Variants in PABPC4L observed in about 807,000 individuals in gnomAD.
PABPC4L encodes poly(A) binding protein cytoplasmic 4 like, also known as polyadenylate-binding protein 4-like.
For synonymous variants in PABPC4L, 169 were observed against 164.1 expected (o/e 1.03, Z -0.23); for missense variants, 452 against 451.4 (o/e 1.00, Z -0.01).
the PABPC4L span, among the ~76,000 whole-genome samples, chr4:134,030,321 T>C: frequency 6.6e-6 from 1 of 152,078 alleles, no homozygotes; most frequent in African/African-American, 2.4e-5. Flanking sequence ...AGAGACTTGT[T>C]GAATGGCTTT....
the PABPC4L span, among the ~76,000 whole-genome samples, chr4:134,044,559 C>T: frequency 2.6e-5 from 4 of 152,232 alleles, no homozygotes; most frequent in Admixed American, 6.5e-5. Flanking sequence ...CCACCAGGCC[C>T]GGCCATTTTA....
At chr4:134,026,821 A>C in the PABPC4L span, among the ~76,000 whole-genome samples, 2 of 152,136 alleles carry the variant, frequency 1.3e-5, no homozygotes, top group African/African-American at 4.8e-5. Context: ...GAGAAGATGA[A>C]AACAGAGGTC....
the PABPC4L span, among the ~76,000 whole-genome samples, chr4:134,067,235 C>T: frequency 0.1 from 15,300 of 152,006 alleles, 823 homozygotes; most frequent in South Asian, 0.14. Flanking sequence ...TTCAGGAATT[C>T]AATGTATCCC....
the PABPC4L span, among the ~76,000 whole-genome samples, chr4:134,040,964 T>G: frequency 6.6e-6 from 1 of 151,636 alleles, no homozygotes; most frequent in Non-Finnish European, 1.5e-5. Flanking sequence ...CCAACAAACA[T>G]ATGAAAAAAA....
In PABPC4L at chr4:134,197,185, G is replaced by T. The variant is rs1385469498; in HGVS notation, c.*2722C>A. The T allele has an allele frequency of 1.3e-5, 2 of 151,624 alleles. No individual in the cohort carries two copies. Among genetic ancestry groups the T allele is most frequent in the Non-Finnish European group, 3.0e-5 (2 of 67,666 alleles). The allele number at this position is 151,624 out of a possible 1,614,324, so 9.4% of individuals were successfully genotyped here. ...TTTGGTAAATACTTACCTAGTATAA[G>T]AATCTATGTGAAACTCATATGCCAA... On this transcript the variant is annotated 3_prime_UTR_variant, in exon 2 of 2. Coordinates refer to ENST00000421491, the MANE Select transcript of PABPC4L (RefSeq NM_001114734.2).
chr4:134,071,273 C>A, the PABPC4L span, among the ~76,000 whole-genome samples: 1 of 152,022 alleles, frequency 6.6e-6, no homozygotes, highest in Non-Finnish European at 1.5e-5. Flanking sequence ...TCTGTGTCCT[C>A]CCTCTGTCCA....
the PABPC4L span, among the ~76,000 whole-genome samples, chr4:134,067,568 G>T: frequency 6.6e-6 from 1 of 152,058 alleles, no homozygotes; most frequent in African/African-American, 2.4e-5. Context: ...TCTTCTGCTA[G>T]CTTTGGGGTT....
chr4:133,990,968 C>T, the PABPC4L span, among the ~76,000 whole-genome samples: 4 of 152,060 alleles, frequency 2.6e-5, no homozygotes, highest in Admixed American at 2.6e-4. Context: ...TTCCCACCAC[C>T]CTGACCAATC....
chr4:134,031,480 A>G, the PABPC4L span, among the ~76,000 whole-genome samples: 1 of 151,758 alleles, frequency 6.6e-6, no homozygotes, highest in Non-Finnish European at 1.5e-5. Context: ...AAATAGACAC[A>G]TTTTTCTTTG....
the PABPC4L span, among the ~76,000 whole-genome samples, chr4:133,967,512 G>T: frequency 1.3e-5 from 2 of 152,090 alleles, no homozygotes; most frequent in Non-Finnish European, 2.9e-5. Context: ...CCTAAGAAGA[G>T]AATGCAGAGA....
At chr4:134,130,347 C>T in the PABPC4L span, among the ~76,000 whole-genome samples, 4 of 151,856 alleles carry the variant, frequency 2.6e-5, no homozygotes, top group African/African-American at 7.3e-5. Flanking sequence ...AAATGGGAGA[C>T]ACTACAACTG....
the PABPC4L span, among the ~76,000 whole-genome samples, chr4:134,109,655 C>A: frequency 1.3e-5 from 2 of 151,972 alleles, no homozygotes; most frequent in Admixed American, 6.6e-5. Flanking sequence ...AATTAGGTTT[C>A]TTTTCACCAA....
At chr4:134,167,815 GAGAT>G in the PABPC4L span, among the ~76,000 whole-genome samples, 1 of 152,024 alleles carries the variant, frequency 6.6e-6, no homozygotes. Context: ...GGTAAAGAGA[GAGAT>G]AGGCCCCAAT....
the PABPC4L span, among the ~76,000 whole-genome samples, chr4:134,171,203 C>T: frequency 1.3e-5 from 2 of 152,108 alleles, no homozygotes; most frequent in African/African-American, 2.4e-5. Context: ...GCAACCTCCA[C>T]CTCCCAGGTT....
At chr4:134,029,071 C>T in the PABPC4L span, among the ~76,000 whole-genome samples, 2 of 152,042 alleles carry the variant, frequency 1.3e-5, no homozygotes, top group South Asian at 2.1e-4. Flanking sequence ...CTTTGTATAA[C>T]ATATTTTTAT....
the PABPC4L span, among the ~76,000 whole-genome samples, chr4:134,008,856 T>C: frequency 1.3e-5 from 2 of 151,820 alleles, no homozygotes; most frequent in Admixed American, 1.3e-4. Context: ...AAGTGAAATA[T>C]TGTAAATAAC....
intron 1 of PABPC4L, among the ~76,000 whole-genome samples, chr4:134,201,450 G>A (rs1338632700): frequency 6.6e-6 from 1 of 152,174 alleles, no homozygotes; most frequent in Admixed American, 6.5e-5. Flanking sequence ...GGAGGCGTCA[G>A]AGGCCCCAGC....
chr4:134,144,614 T>A, the PABPC4L span, among the ~76,000 whole-genome samples: 1 of 151,322 alleles, frequency 6.6e-6, no homozygotes, highest in African/African-American at 2.4e-5. Context: ...TCTTTTTATA[T>A]GAAAGAAATG....
chr4:134,164,476 C>T, the PABPC4L span, among the ~76,000 whole-genome samples: 581 of 152,088 alleles, frequency 3.8e-3, 4 homozygotes, highest in African/African-American at 0.014. Flanking sequence ...CACTGCTATA[C>T]ATCAACAGCA....
Sources: allele counts gnomAD v4.1 joint callset (sites outside exome capture counted in the v4.1 genomes callset), GRCh38; gene constraint gnomAD v4.1.1; transcripts MANE v1.5; gene names NCBI Gene and HGNC (gene_info 2026-07-23, HGNC 2026-07-21).